The following OSBPL1A variants were observed in gnomAD, a reference collection of about 807,000 sequenced individuals.
The protein encoded by OSBPL1A is oxysterol-binding protein-related protein 1.
Under a neutral mutation model 137.1 loss-of-function variants are expected in OSBPL1A, and 80 were observed. The observed-to-expected ratio is 0.58, with a 90% CI of 0.49 to 0.70. OSBPL1A has a LOEUF of 0.70. Ranked by LOEUF, OSBPL1A falls within the 30% of genes least tolerant of loss-of-function variation. The probability of loss-of-function intolerance (pLI) is 0.00; values close to 1 mark genes in which losing one functional copy is unlikely to be tolerated. For missense variants in OSBPL1A, 970 were observed against 1,129.4 expected, an observed-to-expected ratio of 0.86 and a Z score of 2.02; for synonymous variants, 365 against 389.7, an observed-to-expected ratio of 0.94 and a Z score of 0.75.
intron 17 of OSBPL1A, among the ~76,000 whole-genome samples, chr18:24,200,091 A>G (rs540548137): frequency 6.6e-6 from 1 of 152,382 alleles, no homozygotes; most frequent in South Asian, 2.1e-4. Flanking sequence ...ATAAATACAT[A>G]CAAAAAATGA....
chr18:24,221,314 C>T (rs1282696210), intron 17 of OSBPL1A, among the ~76,000 whole-genome samples: 3 of 152,122 alleles, frequency 2.0e-5, no homozygotes, highest in Non-Finnish European at 4.4e-5. Context: ...CTCTTTCCTG[C>T]GGCTAAGAAC....
intron 12 of OSBPL1A, among the ~76,000 whole-genome samples, chr18:24,313,734 T>A (rs1166358115): frequency 6.6e-6 from 1 of 152,192 alleles, no homozygotes; most frequent in Non-Finnish European, 1.5e-5. Context: ...AAACAAATTA[T>A]GAACAGAAAA....
chr18:24,271,525 G>A lies in OSBPL1A; in HGVS notation c.1281+9317C>T. ...ATTCTTGGATCTACTCACATCCCTG[G>A]ATCAAGTCTGGCCGCCCTCCCCGCT... On this transcript the variant is annotated intron_variant, in intron 15 of 27. Coordinates refer to ENST00000319481, the MANE Select transcript of OSBPL1A (RefSeq NM_080597.4). The surrounding 1 kb of genome is among the most constrained non-coding windows in gnomAD (Gnocchi z 4.0). 1 of 977,892 alleles carries A rather than the reference G, an allele frequency of 1.0e-6. No homozygotes were observed. Among genetic ancestry groups the A allele is most frequent in the Non-Finnish European group, 1.2e-6 (1 of 823,066 alleles). The allele number at this position is 977,892 out of a possible 1,614,324, so 60.6% of individuals were successfully genotyped here. A position where few individuals can be genotyped will look rare whatever the true frequency, so the allele number is the denominator to read the frequency against.
At chr18:24,245,730 C>A (rs2146019426) in intron 15 of OSBPL1A, among the ~76,000 whole-genome samples, 1 of 152,298 alleles carries the variant, frequency 6.6e-6, no homozygotes. Flanking sequence ...ATAGTATACT[C>A]TTGCTTTGTT....
intron 20 of OSBPL1A, among the ~76,000 whole-genome samples, chr18:24,178,588 G>A (rs1216797108): frequency 6.6e-6 from 1 of 152,116 alleles, no homozygotes; most frequent in African/African-American, 2.4e-5. Flanking sequence ...ACCATGCCCG[G>A]CCAACAATTC....
At chr18:24,166,534 C>A in intron 26 of OSBPL1A, 45 bp downstream of exon 26, 5 of 1,577,008 alleles carry the variant, frequency 3.2e-6, no homozygotes, top group Non-Finnish European at 4.3e-6. Context: ...GCATCATCCC[C>A]CGAGAAATGA....
At chr18:24,346,057 T>A (rs554305458) in intron 4 of OSBPL1A, among the ~76,000 whole-genome samples, 11 of 152,332 alleles carry the variant, frequency 7.2e-5, no homozygotes, top group African/African-American at 2.6e-4. Context: ...GTATTCACTT[T>A]GAGCATGATA....
intron 1 of OSBPL1A, among the ~76,000 whole-genome samples, chr18:24,387,697 C>T (rs1482740306): frequency 3.3e-5 from 5 of 151,820 alleles, no homozygotes; most frequent in Non-Finnish European, 4.4e-5. Flanking sequence ...TACAGGCATG[C>T]GCCACTGCAC....
intron 2 of OSBPL1A, among the ~76,000 whole-genome samples, chr18:24,369,161 TG>T (rs1312715657): frequency 6.6e-6 from 1 of 152,170 alleles, no homozygotes; most frequent in Non-Finnish European, 1.5e-5. Flanking sequence ...CTACAGATAG[TG>T]CCTGAAAGTG....
chr18:24,263,032 C>A (rs2089479177), intron 15 of OSBPL1A, among the ~76,000 whole-genome samples: 1 of 152,146 alleles, frequency 6.6e-6, no homozygotes. Context: ...TTTTTACATG[C>A]CTTCAGCTCT....
chr18:24,278,990 ATAGT>A (rs1286880326), intron 15 of OSBPL1A, among the ~76,000 whole-genome samples: 5 of 152,226 alleles, frequency 3.3e-5, no homozygotes, highest in Non-Finnish European at 5.9e-5. Flanking sequence ...TTTTCCTGTG[ATAGT>A]TAATATAATT....
intron 1 of OSBPL1A, among the ~76,000 whole-genome samples, chr18:24,395,691 A>G (rs1907685382): frequency 6.6e-6 from 1 of 151,154 alleles, no homozygotes; most frequent in Non-Finnish European, 1.5e-5. Flanking sequence ...CACGATCTCC[A>G]TTCACTTACC....
chr18:24,240,645 A>T (rs1213945283), intron 15 of OSBPL1A, among the ~76,000 whole-genome samples: 1 of 152,210 alleles, frequency 6.6e-6, no homozygotes, highest in African/African-American at 2.4e-5. Flanking sequence ...CTCTCCTATA[A>T]GAGGTTTCTG....
intron 14 of OSBPL1A, among the ~76,000 whole-genome samples, chr18:24,302,983 G>GTC (rs1335846296): frequency 6.6e-6 from 1 of 151,538 alleles, no homozygotes; most frequent in African/African-American, 2.4e-5. Context: ...TTCTTTGTGT[G>GTC]TGTGTGTGTG....
intron 21 of OSBPL1A, among the ~76,000 whole-genome samples, chr18:24,177,096 G>A (rs955380368): frequency 1.3e-5 from 2 of 152,160 alleles, no homozygotes; most frequent in Non-Finnish European, 2.9e-5. Flanking sequence ...TGAACCCCAG[G>A]GGTTCCTTTA....
At chr18:24,202,581 AC>A (rs1230655439) in intron 17 of OSBPL1A, among the ~76,000 whole-genome samples, 2 of 152,242 alleles carry the variant, frequency 1.3e-5, no homozygotes, top group African/African-American at 4.8e-5. Flanking sequence ...AACCAAATCT[AC>A]CTACCTGGGA....
At chr18:24,177,218 T>A (rs984237308) in intron 21 of OSBPL1A, among the ~76,000 whole-genome samples, 1 of 152,188 alleles carries the variant, frequency 6.6e-6, no homozygotes, top group Admixed American at 6.5e-5. Flanking sequence ...GGGGCAAGGC[T>A]GTGAGACAAA....
intron 1 of OSBPL1A, among the ~76,000 whole-genome samples, chr18:24,383,464 A>G (rs548643705): frequency 2.5e-4 from 38 of 152,396 alleles, no homozygotes; most frequent in South Asian, 8.3e-4. Flanking sequence ...AAGGATAAAA[A>G]TAAATCTATT....
intron 15 of OSBPL1A, among the ~76,000 whole-genome samples, chr18:24,249,957 C>T (rs2146025127): frequency 6.6e-6 from 1 of 152,264 alleles, no homozygotes; most frequent in South Asian, 2.1e-4. Context: ...CACCATCCCT[C>T]CCCCAACCCC....
Sources: allele counts gnomAD v4.1 joint callset (sites outside exome capture counted in the v4.1 genomes callset), GRCh38; gene constraint gnomAD v4.1.1; non-coding constraint Gnocchi (gnomAD v3.1); transcripts MANE v1.5; gene names NCBI Gene and HGNC (gene_info 2026-07-23, HGNC 2026-07-21).